STK32C: variants seen among roughly 807,000 people sequenced by gnomAD.
The protein encoded by STK32C is serine/threonine kinase 32C, also known as serine/threonine-protein kinase 32C.
Under a neutral mutation model 56.5 loss-of-function variants are expected in STK32C, and 31 were observed. The ratio of observed to expected loss-of-function variants is 0.55; its 90% confidence interval spans 0.41 to 0.74. STK32C has a LOEUF of 0.74. Ranked by LOEUF, STK32C falls within the 30% of genes least tolerant of loss-of-function variation. The probability of loss-of-function intolerance (pLI) is 0.00; values close to 1 mark genes in which losing one functional copy is unlikely to be tolerated. For synonymous variants in STK32C, 309 were observed against 289.4 expected (o/e 1.07, Z -0.69); for missense variants, 544 against 676.9 (o/e 0.80, Z 2.18).
At chr10:132,210,570 T>C (rs1000800952) in intron 10 of STK32C, among the ~76,000 whole-genome samples, 2 of 152,200 alleles carry the variant, frequency 1.3e-5, no homozygotes, top group South Asian at 2.1e-4. Context: ...TTAATGCTGA[T>C]TGCCAAGTGG....
At chr10:132,212,893 A>C (rs2062357738) in intron 10 of STK32C, among the ~76,000 whole-genome samples, 1 of 152,214 alleles carries the variant, frequency 6.6e-6, no homozygotes, top group Non-Finnish European at 1.5e-5. Flanking sequence ...GAGACAGGTG[A>C]GCAAAGTCAC....
chr10:132,222,607 C>T (rs781112151), intron 10 of STK32C, 34 bp downstream of exon 10: 45 of 1,605,444 alleles, frequency 2.8e-5, no homozygotes, highest in African/African-American at 2.5e-4. Context: ...AAGCCCAGCC[C>T]GCCGCCGCGC....
chr10:132,283,946 G>C (rs2065296635), intron 1 of STK32C, among the ~76,000 whole-genome samples: 1 of 152,140 alleles, frequency 6.6e-6, no homozygotes, highest in South Asian at 2.1e-4. Flanking sequence ...GCCCCCACCT[G>C]ATGGTCAGAG....
chr10:132,288,048 T>C (rs1350044567), intron 1 of STK32C, among the ~76,000 whole-genome samples: 6 of 151,784 alleles, frequency 4.0e-5, no homozygotes, highest in African/African-American at 1.5e-4. Flanking sequence ...AACCCACAAT[T>C]ATAAGCTCTT....
At chr10:132,282,916 G>A (rs190278555) in intron 1 of STK32C, among the ~76,000 whole-genome samples, 293 of 152,340 alleles carry the variant, frequency 1.9e-3, no homozygotes, top group African/African-American at 6.7e-3. Context: ...GGGGGGTGTT[G>A]TCATTTCCTG....
chr10:132,218,303 A>G (rs1348950113), intron 10 of STK32C, among the ~76,000 whole-genome samples: 2 of 152,174 alleles, frequency 1.3e-5, no homozygotes, highest in African/African-American at 2.4e-5. Flanking sequence ...TTGGTAATAA[A>G]GCAAGACCCT....
chr10:132,326,400 C>T (rs12356418), intron 1 of STK32C, among the ~76,000 whole-genome samples: 8,535 of 152,230 alleles, frequency 0.056, 360 homozygotes, highest in Middle Eastern at 0.082. Context: ...GGTGTGATGT[C>T]GGCTCACTAC....
At chr10:132,308,438 A>G (rs977413448), upstream of STK32C, among the ~76,000 whole-genome samples, 3 of 152,072 alleles carry the variant, frequency 2.0e-5, no homozygotes, top group African/African-American at 4.8e-5. Flanking sequence ...GGGGAGCCCT[A>G]AACTCCAGCC....
intron 10 of STK32C, among the ~76,000 whole-genome samples, chr10:132,219,793 G>T (rs1384223043): frequency 6.6e-6 from 1 of 152,086 alleles, no homozygotes; most frequent in Non-Finnish European, 1.5e-5. Flanking sequence ...CCCCACCCCT[G>T]CCCCCCACAT....
At chr10:132,232,831 C>T (rs956133755) in intron 2 of STK32C, among the ~76,000 whole-genome samples, 2 of 151,016 alleles carry the variant, frequency 1.3e-5, no homozygotes, top group African/African-American at 2.4e-5. Flanking sequence ...ACGCCACTGA[C>T]GGGGAGGCCA....
At chr10:132,224,223 C>A (rs1275648821) in intron 8 of STK32C, among the ~76,000 whole-genome samples, 184 bp downstream of exon 8, 1 of 152,182 alleles carries the variant, frequency 6.6e-6, no homozygotes, top group Non-Finnish European at 1.5e-5. Context: ...GAGCCTGCCA[C>A]CAGCTCGCTT....
Position 132,324,571 on chromosome 10 carries a change from T to C in STK32C, c.302-198A>G, listed in dbSNP as rs182131411. ...CCATTTTGAAATCTGTAAACTTACG[T>C]AGAAATGTGTATTGTCCTTACATTC... is the stretch of plus-strand genomic sequence containing the variant. On this transcript the variant is annotated intron_variant, in intron 1 of 1. Transcript: ENST00000368619. 2.6e-5 allele frequency among the ~76,000 whole-genome samples: 4 copies of C among 152,376 alleles called. No individual in the cohort carries two copies. In the East Asian group the frequency reaches 5.8e-4, roughly 22 times the overall value.
At chr10:132,330,970 A>AG (rs1322640570) in intron 1 of STK32C, among the ~76,000 whole-genome samples, 1 of 150,956 alleles carries the variant, frequency 6.6e-6, no homozygotes, top group African/African-American at 2.4e-5. Flanking sequence ...TGGGAGGCCG[A>AG]GGGGGGCGGA....
upstream of STK32C, among the ~76,000 whole-genome samples, chr10:132,308,843 C>T (rs959134771): frequency 6.6e-6 from 1 of 152,196 alleles, no homozygotes; most frequent in South Asian, 2.1e-4. Context: ...CGACCTTGCG[C>T]GGAAAGTGCT....
chr10:132,245,244 G>A (rs981684165), intron 2 of STK32C, among the ~76,000 whole-genome samples: 2 of 152,238 alleles, frequency 1.3e-5, no homozygotes, highest in African/African-American at 4.8e-5. Context: ...TCCCGGGACA[G>A]CTGAAAAGAA....
chr10:132,208,566 C>A (rs1002016779), intron 11 of STK32C, among the ~76,000 whole-genome samples: 2 of 152,180 alleles, frequency 1.3e-5, no homozygotes, highest in African/African-American at 4.8e-5. Flanking sequence ...GGAGGCCCTC[C>A]TTGCCCCGTG....
Position 132,207,937 on chromosome 10 carries a change from C to CG in STK32C, c.*72dup, listed in dbSNP as rs1472280047. On this transcript the variant is annotated 3_prime_UTR_variant, in exon 12 of 12. Transcript: ENST00000298630. ...GGGTGGGAACGTGAATGCCAGGCCT[C>CG]GGCCCATGGCCCTCCCTCTGGCAGC... 92 of 1,251,984 alleles carry CG rather than the reference C, an allele frequency of 7.3e-5. No homozygotes were observed. The highest frequency in any genetic ancestry group is 9.0e-5 in the Non-Finnish European group (89 of 991,896). The allele number at this position is 1,251,984 out of a possible 1,614,324, so 77.6% of individuals were successfully genotyped here. A position where few individuals can be genotyped will look rare whatever the true frequency, so the allele number is the denominator to read the frequency against.
At chr10:132,280,248 C>T (rs2065129985) in intron 1 of STK32C, among the ~76,000 whole-genome samples, 1 of 136,340 alleles carries the variant, frequency 7.3e-6, no homozygotes, top group Admixed American at 7.1e-5. Context: ...ACACCGTGAC[C>T]ACGCCCCTGC....
chr10:132,272,632 T>TC (rs1374518723), intron 1 of STK32C, among the ~76,000 whole-genome samples: 2 of 152,058 alleles, frequency 1.3e-5, no homozygotes, highest in Admixed American at 6.5e-5. Flanking sequence ...ATCTTGCCCC[T>TC]CCTCTGCTTC....
Sources: gnomAD v4.1 joint callset for allele counts (sites outside exome capture counted in the v4.1 genomes callset) on GRCh38, gnomAD v4.1.1 for gene constraint, MANE v1.5 for transcripts, NCBI Gene and HGNC (gene_info 2026-07-23, HGNC 2026-07-21) for gene names.